Variants in MARCHF1 observed in about 807,000 individuals in gnomAD.
The protein encoded by MARCHF1 is E3 ubiquitin-protein ligase MARCHF1.
A neutral mutation model predicts 54.2 loss-of-function variants in MARCHF1; 40 were observed. The observed-to-expected ratio is 0.74, with a 90% CI of 0.57 to 0.96. The LOEUF is 0.96. MARCHF1 is among the 40% of genes least tolerant of loss of function. The pLI is 0.00. For missense variants in MARCHF1, 586 were observed against 656.5 expected, an observed-to-expected ratio of 0.89 and a Z score of 1.17; for synonymous variants, 236 against 236.3, an observed-to-expected ratio of 1.00 and a Z score of 0.01.
At chr4:163,873,580 G>C (rs971170319) in intron 3 of MARCHF1, among the ~76,000 whole-genome samples, 2 of 152,174 alleles carry the variant, frequency 1.3e-5, no homozygotes, top group Non-Finnish European at 2.9e-5. Flanking sequence ...ATTTACAGGA[G>C]CTCTGGCTTC....
intron 3 of MARCHF1, among the ~76,000 whole-genome samples, chr4:163,982,967 C>T (rs951928466): frequency 4.6e-5 from 7 of 152,084 alleles, no homozygotes; most frequent in South Asian, 4.1e-4. Flanking sequence ...TTGTGATACA[C>T]GGATTATTTT....
chr4:164,062,639 C>G (rs183786394), intron 2 of MARCHF1, among the ~76,000 whole-genome samples: 1 of 152,118 alleles, frequency 6.6e-6, no homozygotes, highest in Non-Finnish European at 1.5e-5. Context: ...ATTCTCCTGC[C>G]TCAGCCTCCT....
At chr4:164,294,587 C>T (rs1734365999) in intron 1 of MARCHF1, among the ~76,000 whole-genome samples, 1 of 152,118 alleles carries the variant, frequency 6.6e-6, no homozygotes. Context: ...TTCTTTTTCT[C>T]CTGCCTCTAT....
At chr4:163,717,196 T>C (rs1167218439) in intron 4 of MARCHF1, among the ~76,000 whole-genome samples, 1 of 140,692 alleles carries the variant, frequency 7.1e-6, no homozygotes, top group Admixed American at 7.6e-5. Context: ...TCTTCCTGTG[T>C]CCATGTGTTC....
chr4:164,166,621 T>A (rs1730387430), intron 1 of MARCHF1, among the ~76,000 whole-genome samples: 1 of 151,882 alleles, frequency 6.6e-6, no homozygotes, highest in African/African-American at 2.4e-5. Context: ...CACTTCTATT[T>A]AGCATAGTAC....
chr4:163,563,308 G>T (rs1039969610), intron 8 of MARCHF1, among the ~76,000 whole-genome samples: 1 of 152,142 alleles, frequency 6.6e-6, no homozygotes, highest in Non-Finnish European at 1.5e-5. Flanking sequence ...GAAAGGGGTG[G>T]CTAAGAAACT....
At chr4:163,846,453 GTAA>G (rs1242013990) in intron 4 of MARCHF1, among the ~76,000 whole-genome samples, 46 of 152,208 alleles carry the variant, frequency 3.0e-4, no homozygotes, top group African/African-American at 1.1e-3. Context: ...CTTTAACCTT[GTAA>G]TAGACTAAAA....
chr4:164,004,977 AAAT>A (rs1368151230), intron 2 of MARCHF1, among the ~76,000 whole-genome samples: 1 of 152,104 alleles, frequency 6.6e-6, no homozygotes, highest in African/African-American at 2.4e-5. Flanking sequence ...AAAAGAAAGG[AAAT>A]AATAACCAAA....
At chr4:163,595,791 T>G (rs1740749108) in intron 7 of MARCHF1, among the ~76,000 whole-genome samples, 1 of 152,018 alleles carries the variant, frequency 6.6e-6, no homozygotes, top group Non-Finnish European at 1.5e-5. Flanking sequence ...GGAGTAATTT[T>G]TGATTATGCA....
intron 2 of MARCHF1, among the ~76,000 whole-genome samples, chr4:164,089,780 G>A (rs995621597): frequency 1.3e-5 from 2 of 151,966 alleles, no homozygotes; most frequent in African/African-American, 4.8e-5. Context: ...AGAAAGATAA[G>A]TAAGTAGTTA....
At chr4:164,054,114 G>T (rs2111050818) in intron 2 of MARCHF1, among the ~76,000 whole-genome samples, 1 of 151,166 alleles carries the variant, frequency 6.6e-6, no homozygotes, top group Middle Eastern at 3.4e-3. Context: ...AGTGGGCAAA[G>T]GACATGAACA....
At chr4:163,990,464 G>C (rs1752950826) in intron 2 of MARCHF1, among the ~76,000 whole-genome samples, 1 of 152,066 alleles carries the variant, frequency 6.6e-6, no homozygotes, top group Non-Finnish European at 1.5e-5. Context: ...TTCATATAGA[G>C]ACAAATCTCT....
intron 1 of MARCHF1, among the ~76,000 whole-genome samples, chr4:164,355,837 C>A (rs1183872589): frequency 1.0e-4 from 12 of 114,532 alleles, no homozygotes; most frequent in African/African-American, 3.2e-4. Context: ...CAACCTACAA[C>A]ATGGGAGAAA....
intron 1 of MARCHF1, among the ~76,000 whole-genome samples, chr4:164,340,423 A>ATATATATATTT (rs1364128958): frequency 7.8e-6 from 1 of 128,762 alleles, no homozygotes; most frequent in Non-Finnish European, 1.7e-5. Context: ...AGATATATAT[A>ATATATATATTT]TATATATATA....
chr4:163,803,964 A>C (rs1226274722), intron 4 of MARCHF1, among the ~76,000 whole-genome samples: 2 of 152,220 alleles, frequency 1.3e-5, no homozygotes, highest in Non-Finnish European at 2.9e-5. Context: ...GTGACATGGC[A>C]GGCATGTTTT....
chr4:163,783,472 C>G (rs1336657402), intron 4 of MARCHF1, among the ~76,000 whole-genome samples: 1 of 152,334 alleles, frequency 6.6e-6, no homozygotes, highest in East Asian at 1.9e-4. Flanking sequence ...GAGCTGGAGA[C>G]TCCCTTGAAC....
intron 2 of MARCHF1, among the ~76,000 whole-genome samples, chr4:164,003,204 T>C (rs1367232813): frequency 6.6e-6 from 1 of 151,738 alleles, no homozygotes; most frequent in Non-Finnish European, 1.5e-5. Context: ...TAAATAGATA[T>C]TGCTAATAAG....
chr4:163,875,218 GA>G (rs943761813), intron 3 of MARCHF1, among the ~76,000 whole-genome samples: 111 of 148,244 alleles, frequency 7.5e-4, no homozygotes, highest in African/African-American at 2.3e-3. Context: ...ATGCTTTTTT[GA>G]AAAAAAAAAT....
intron 2 of MARCHF1, among the ~76,000 whole-genome samples, chr4:164,090,156 G>A (rs924281386): frequency 3.3e-5 from 5 of 151,940 alleles, no homozygotes; most frequent in East Asian, 3.9e-4. Context: ...TAACCAATAC[G>A]TGTAAATTAA....
Sources: allele counts gnomAD v4.1 joint callset (sites outside exome capture counted in the v4.1 genomes callset), GRCh38; gene constraint gnomAD v4.1.1; transcripts MANE v1.5; gene names NCBI Gene and HGNC (gene_info 2026-07-23, HGNC 2026-07-21).